MYRIP: variants seen among roughly 807,000 people sequenced by gnomAD.
The protein encoded by MYRIP is rab effector MyRIP.
A neutral mutation model predicts 98.0 loss-of-function variants in MYRIP; 49 were observed. That is an observed-to-expected ratio of 0.50 (90% CI 0.40 to 0.63). MYRIP has a LOEUF of 0.63. Among genes scored for constraint, MYRIP ranks in the 30% least tolerant of loss-of-function variants. The probability of loss-of-function intolerance (pLI) is 0.00; values close to 1 mark genes in which losing one functional copy is unlikely to be tolerated. For missense variants in MYRIP, 1,004 were observed against 1,058.2 expected (o/e 0.95, Z 0.71); for synonymous variants, 404 against 409.5 (o/e 0.99, Z 0.16).
At chr3:40,117,938 A>G (rs1949317264) in intron 3 of MYRIP, among the ~76,000 whole-genome samples, 1 of 152,200 alleles carries the variant, frequency 6.6e-6, no homozygotes, top group African/African-American at 2.4e-5. Context: ...CAAAGTCAAA[A>G]GCAAATGGCA....
Position 39,968,312 on chromosome 3 carries a change from A to G in MYRIP, c.110+67386A>G, listed in dbSNP as rs534327784. ...CTCAGCCTCCCAAGTAGCTGGGACTACAGGCACGTGCCACCATACCAGACT... is the reference window on the plus strand; with the variant it reads ...CTCAGCCTCCCAAGTAGCTGGGACTGCAGGCACGTGCCACCATACCAGACT... On this transcript the variant is annotated intron_variant, in intron 2 of 16. Transcript: ENST00000302541. 5.9e-5 allele frequency among the ~76,000 whole-genome samples: 9 copies of G among 151,954 alleles called. 1 individual carries two copies. The South Asian group carries it at 1.7e-3, about 28-fold the overall frequency.
At chr3:40,142,969 G>A (rs1050664906) in intron 3 of MYRIP, among the ~76,000 whole-genome samples, 3 of 152,180 alleles carry the variant, frequency 2.0e-5, no homozygotes, top group East Asian at 1.9e-4. Flanking sequence ...GGTAGATTCC[G>A]GTTTCTCACA....
At chr3:39,973,822 G>A (rs1945668018) in intron 2 of MYRIP, among the ~76,000 whole-genome samples, 2 of 152,096 alleles carry the variant, frequency 1.3e-5, no homozygotes, top group Admixed American at 1.3e-4. Flanking sequence ...ACGAAATGAA[G>A]GCAGAAATAA....
chr3:40,220,333 A>C (rs1484671821), intron 11 of MYRIP, among the ~76,000 whole-genome samples: 1 of 152,098 alleles, frequency 6.6e-6, no homozygotes, highest in Non-Finnish European at 1.5e-5. Flanking sequence ...GAAGCTGTTT[A>C]GTTTAATTAG....
intron 1 of MYRIP, among the ~76,000 whole-genome samples, chr3:39,900,053 T>G (rs1473838725): frequency 6.6e-6 from 1 of 152,174 alleles, no homozygotes; most frequent in Non-Finnish European, 1.5e-5. Flanking sequence ...AGTCCTGATG[T>G]CAGGTGATCT....
chr3:39,914,384 C>A (rs1025961463), intron 2 of MYRIP, among the ~76,000 whole-genome samples: 1 of 151,974 alleles, frequency 6.6e-6, no homozygotes, highest in African/African-American at 2.4e-5. Flanking sequence ...AAAAAAGATA[C>A]CTTATTATAC....
chr3:39,853,104 G>T (rs570547014), intron 1 of MYRIP, among the ~76,000 whole-genome samples: 1 of 152,206 alleles, frequency 6.6e-6, no homozygotes, highest in African/African-American at 2.4e-5. Context: ...TTTTATGGTT[G>T]AGAAGTATTT....
At chr3:40,210,228 G>A (rs1951887122) in intron 11 of MYRIP, 135 bp downstream of exon 11, 6 of 1,081,206 alleles carry the variant, frequency 5.5e-6, no homozygotes, top group Admixed American at 2.9e-5. Context: ...GTGCATTTGG[G>A]AGAGCCTAAG....
intron 3 of MYRIP, among the ~76,000 whole-genome samples, chr3:40,133,679 G>A (rs1475540248): frequency 6.6e-6 from 1 of 152,212 alleles, no homozygotes; most frequent in African/African-American, 2.4e-5. Flanking sequence ...GGAGATTGCA[G>A]TGAGCTGAGA....
At chr3:40,072,517 A>G (rs1948253219) in intron 3 of MYRIP, among the ~76,000 whole-genome samples, 1 of 152,160 alleles carries the variant, frequency 6.6e-6, no homozygotes, top group African/African-American at 2.4e-5. Flanking sequence ...TGCATTTTAA[A>G]AAGTAAGTTT....
At position 40,135,585 on chromosome 3, in the gene MYRIP, A is replaced by G. The variant is rs374657655; in HGVS notation, c.333-15463A>G. On this transcript the variant is annotated intron_variant, in intron 3 of 16. Coordinates refer to ENST00000302541, the MANE Select transcript of MYRIP (RefSeq NM_015460.4). ...CAACTCCAAGACACAAAATTGTCAG[A>G]TTCACCAAACTTGAAATGAAGGAAA... Among the ~76,000 whole-genome samples the G allele has an allele frequency of 2.5e-4, 38 of 152,340 alleles. No individual in the cohort carries two copies. The South Asian group carries it at 7.3e-3, about 29-fold the overall frequency.
intron 2 of MYRIP, among the ~76,000 whole-genome samples, chr3:39,919,747 AG>A (rs1370073395): frequency 1.1e-4 from 17 of 151,726 alleles, no homozygotes; most frequent in Middle Eastern, 3.4e-3. Flanking sequence ...AGAGAGAGAG[AG>A]AAATTCATTG....
At chr3:40,218,625 T>TA (rs1465990701) in intron 11 of MYRIP, among the ~76,000 whole-genome samples, 3 of 17,072 alleles carry the variant, frequency 1.8e-4, no homozygotes, top group African/African-American at 3.1e-4. Flanking sequence ...TATATATATA[T>TA]ATATATATAT....
chr3:39,899,613 A>T (rs1216231596), intron 1 of MYRIP, among the ~76,000 whole-genome samples: 1 of 152,186 alleles, frequency 6.6e-6, no homozygotes, highest in African/African-American at 2.4e-5. Context: ...ATGCTGATTT[A>T]TAGGGTATAT....
intron 3 of MYRIP, among the ~76,000 whole-genome samples, chr3:40,143,907 T>C (rs1012115009): frequency 3.3e-5 from 5 of 152,244 alleles, no homozygotes. Flanking sequence ...AGCCCCAGGC[T>C]GGTGCCCTGA....
chr3:39,899,583 T>C (rs1943698881), intron 1 of MYRIP, among the ~76,000 whole-genome samples: 1 of 152,166 alleles, frequency 6.6e-6, no homozygotes, highest in Non-Finnish European at 1.5e-5. Context: ...ATCTGAAGCA[T>C]ATACCTAAGT....
chr3:39,829,807 G>A (rs1941386671), intron 1 of MYRIP, among the ~76,000 whole-genome samples: 1 of 152,104 alleles, frequency 6.6e-6, no homozygotes, highest in Admixed American at 6.6e-5. Context: ...TGTAATATTT[G>A]CTTTATTTTA....
At position 39,870,027 on chromosome 3, in the gene MYRIP, G is replaced by A. The variant is rs573429380; in HGVS notation, c.-30-30760G>A. ...TTGCCTAGGTGAAATGCCAAGGAGA[G>A]AGGCCTGAAGCACACAGTATTTGGA... is the stretch of plus-strand genomic sequence containing the variant. On this transcript the variant is annotated intron_variant, in intron 1 of 16. Coordinates refer to ENST00000302541, the MANE Select transcript of MYRIP (RefSeq NM_015460.4). Among the ~76,000 whole-genome samples, 7 of 152,258 alleles carry A rather than the reference G, an allele frequency of 4.6e-5. No homozygotes were observed. The South Asian group carries it at 1.5e-3, about 32-fold the overall frequency.
chr3:39,889,617 C>G (rs1487130547), intron 1 of MYRIP, among the ~76,000 whole-genome samples: 2 of 152,128 alleles, frequency 1.3e-5, no homozygotes, highest in Admixed American at 1.3e-4. Flanking sequence ...CAGCATGGCA[C>G]ATGTATACAT....
Sources: allele counts gnomAD v4.1 joint callset (sites outside exome capture counted in the v4.1 genomes callset), GRCh38; gene constraint gnomAD v4.1.1; transcripts MANE v1.5; gene names NCBI Gene and HGNC (gene_info 2026-07-23, HGNC 2026-07-21).